NAT1: variants seen among roughly 807,000 people sequenced by gnomAD.
NAT1 encodes arylamine N-acetyltransferase 1.
For synonymous variants in NAT1, 144 were observed against 122.6 expected (o/e 1.17, Z -1.16); for missense variants, 400 against 339.2 (o/e 1.18, Z -1.41).
At chr8:18,200,871 G>A (rs1478440906) in intron 2 of NAT1, 2 of 152,058 alleles carry the variant, frequency 1.3e-5, no homozygotes, top group Non-Finnish European at 2.9e-5. Flanking sequence ...GGATCTCCTG[G>A]AAGTCCATTT....
chr8:18,193,507 ATAT>A (rs1563170706), intron 2 of NAT1, among the ~76,000 whole-genome samples: 2 of 126,874 alleles, frequency 1.6e-5, no homozygotes, highest in East Asian at 2.3e-4. Flanking sequence ...TATATATATA[ATAT>A]ATATATATAT....
At chr8:18,176,461 G>A (rs187809702) in intron 2 of NAT1, among the ~76,000 whole-genome samples, 3 of 152,174 alleles carry the variant, frequency 2.0e-5, no homozygotes, top group Non-Finnish European at 1.5e-5. Flanking sequence ...TAAAATGACT[G>A]TTTTTTCCCA....
intron 2 of NAT1, among the ~76,000 whole-genome samples, chr8:18,178,828 C>A (rs1208473031): frequency 1.3e-5 from 2 of 152,108 alleles, no homozygotes; most frequent in Admixed American, 1.3e-4. Context: ...ATTCAGTTTC[C>A]TCTCTGTTCA....
rs1332307800 is a variant in NAT1, at chr8:18,219,465, A to G, written c.-31A>G. ...TCTTCTGGATTAAAACTGAAGATCA[A>G]CCTACTTTCAACTTACTAAGAAAGG... On this transcript the variant is annotated 5_prime_UTR_variant, in exon 2 of 3. Transcript: ENST00000307719. The G allele has an allele frequency of 6.4e-7, 1 of 1,550,416 alleles. No individual in the cohort carries two copies. Among genetic ancestry groups the G allele is most frequent in the Non-Finnish European group, 8.7e-7 (1 of 1,146,324 alleles).
intron 2 of NAT1, among the ~76,000 whole-genome samples, chr8:18,186,993 G>C (rs1802763589): frequency 6.6e-6 from 1 of 152,142 alleles, no homozygotes; most frequent in Non-Finnish European, 1.5e-5. Flanking sequence ...GCTGTTCCTT[G>C]TGCCTGAGGA....
chr8:18,171,617 G>A (rs540635003), intron 2 of NAT1, among the ~76,000 whole-genome samples: 1 of 151,964 alleles, frequency 6.6e-6, no homozygotes, highest in East Asian at 1.9e-4. Flanking sequence ...AGGTATTTCT[G>A]CACAAACAAA....
chr8:18,194,526 G>C (rs1315614587), intron 2 of NAT1, among the ~76,000 whole-genome samples: 1 of 152,052 alleles, frequency 6.6e-6, no homozygotes, highest in Admixed American at 6.6e-5. Flanking sequence ...CCTTGAGCAG[G>C]AGACTTAAGG....
chr8:18,191,613 A>G (rs376421486), intron 2 of NAT1, among the ~76,000 whole-genome samples: 12,183 of 152,118 alleles, frequency 0.08, 1,247 homozygotes, highest in African/African-American at 0.24. Flanking sequence ...TACAGTAACC[A>G]AAACAGCATG....
upstream of NAT1, among the ~76,000 whole-genome samples, chr8:18,207,341 G>C (rs920456828): frequency 6.6e-6 from 1 of 152,086 alleles, no homozygotes; most frequent in Non-Finnish European, 1.5e-5. Flanking sequence ...GCTTAGCATT[G>C]TCTTAGCTAT....
chr8:18,196,142 G>T (rs1041184872), intron 2 of NAT1, among the ~76,000 whole-genome samples: 2 of 151,734 alleles, frequency 1.3e-5, no homozygotes, highest in African/African-American at 4.8e-5. Context: ...TAGAGACAAG[G>T]TCTCACTATG....
At chr8:18,171,717 C>T (rs1678279506) in intron 2 of NAT1, among the ~76,000 whole-genome samples, 2 of 152,132 alleles carry the variant, frequency 1.3e-5, no homozygotes, top group Non-Finnish European at 2.9e-5. Flanking sequence ...AAAGGACAAA[C>T]CAGACTGCAG....
chr8:18,200,145 C>A (rs1230560269), intron 2 of NAT1, among the ~76,000 whole-genome samples: 1 of 152,098 alleles, frequency 6.6e-6, no homozygotes, highest in Admixed American at 6.5e-5. Flanking sequence ...ATTGCTCAAA[C>A]AATTTAAAAC....
At position 18,222,597 on chromosome 8, in the gene NAT1, A is replaced by G. The variant is rs1357745556; in HGVS notation, c.550A>G (p.Ser184Gly). Residue 184 changes from serine (S) to glycine (G), a missense_variant, in exon 3 of 3, where the codon AGC becomes GGC. Coordinates refer to ENST00000307719, the MANE Select transcript of NAT1 (RefSeq NM_000662.8). Reference sequence around the variant, plus strand: ...TCTTCATTCTGATCTCCTAGAAGACAGCAAATACCGAAAAATCTACTCCTT... The same window carrying G: ...TCTTCATTCTGATCTCCTAGAAGACGGCAAATACCGAAAAATCTACTCCTT... ...EFLHSDLLED[S>G]KYRKIYSFTL... The G allele has an allele frequency of 1.9e-6, 3 of 1,613,282 alleles. No homozygotes were observed. Among genetic ancestry groups the G allele is most frequent in the Non-Finnish European group, 2.5e-6 (3 of 1,179,676 alleles).
intron 2 of NAT1, among the ~76,000 whole-genome samples, chr8:18,203,997 T>G (rs2117301924): frequency 6.6e-6 from 1 of 152,250 alleles, no homozygotes; most frequent in East Asian, 1.9e-4. Flanking sequence ...GAAAGTCCAC[T>G]TGCATAAGAA....
chr8:18,185,728 TTTTAGATC>T (rs1168299662), intron 2 of NAT1, among the ~76,000 whole-genome samples: 1 of 152,152 alleles, frequency 6.6e-6, no homozygotes, highest in Non-Finnish European at 1.5e-5. Context: ...GAGCTAGATA[TTTTAGATC>T]TTTATTTTTC....
intron 2 of NAT1, among the ~76,000 whole-genome samples, chr8:18,202,302 T>C (rs1803496970): frequency 6.6e-6 from 1 of 152,180 alleles, no homozygotes; most frequent in African/African-American, 2.4e-5. Flanking sequence ...AAATTTAGGG[T>C]TACCTAGCTA....
chr8:18,172,676 C>T (rs1802141643), intron 2 of NAT1, among the ~76,000 whole-genome samples: 1 of 152,168 alleles, frequency 6.6e-6, no homozygotes, highest in Non-Finnish European at 1.5e-5. Flanking sequence ...TTCGGATAAA[C>T]ATCTTAATTC....
At chr8:18,216,948 G>A (rs1156538580) in intron 1 of NAT1, 29 of 1,551,186 alleles carry the variant, frequency 1.9e-5, no homozygotes, top group Non-Finnish European at 2.4e-5. Context: ...GGGTCCAGCT[G>A]TTGGCTATAA....
chr8:18,184,987 T>C (rs1802674774), intron 2 of NAT1, among the ~76,000 whole-genome samples: 1 of 152,228 alleles, frequency 6.6e-6, no homozygotes, highest in African/African-American at 2.4e-5. Flanking sequence ...GGCTGCTATC[T>C]TTTTTAGTTG....
Sources: allele counts gnomAD v4.1 joint callset (sites outside exome capture counted in the v4.1 genomes callset), GRCh38; gene constraint gnomAD v4.1.1; transcripts MANE v1.5; gene names NCBI Gene and HGNC (gene_info 2026-07-23, HGNC 2026-07-21).